CHRM5: variants seen among roughly 807,000 people sequenced by gnomAD.
CHRM5 encodes muscarinic acetylcholine receptor M5.
In CHRM5, 18 loss-of-function variants were observed where a neutral mutation model predicts 39.0. The observed-to-expected ratio is 0.46, with a 90% CI of 0.32 to 0.68. The LOEUF (loss-of-function observed/expected upper bound fraction) is 0.68, where lower values mean the gene tolerates loss of function less well. CHRM5 is among the 30% of genes least tolerant of loss of function. The pLI is 0.04. For synonymous variants in CHRM5, 241 were observed against 246.3 expected, an observed-to-expected ratio of 0.98 and a Z score of 0.20; for missense variants, 515 against 651.1, an observed-to-expected ratio of 0.79 and a Z score of 2.28.
In CHRM5 at chr15:34,031,587, A is replaced by G. The variant is rs545061442; in HGVS notation, c.-407-14953A>G. 7.1e-4 allele frequency among the ~76,000 whole-genome samples: 108 copies of G among 152,346 alleles called. No individual in the cohort carries two copies. The South Asian group carries it at 9.7e-3, about 14-fold the overall frequency. On this transcript the variant is annotated intron_variant, in intron 1 of 2. Transcript: ENST00000383263. Reference sequence around the variant, plus strand: ...AGTCCTTAATGGCAAGAGGACTCAAAGGTAGAATTAAGTTTTTACAACAGG... The same window carrying G: ...AGTCCTTAATGGCAAGAGGACTCAAGGGTAGAATTAAGTTTTTACAACAGG...
At position 34,039,013 on chromosome 15, in the gene CHRM5, C is replaced by T. The variant is rs1307520975; in HGVS notation, c.-407-7527C>T. On this transcript the variant is annotated intron_variant, in intron 1 of 2. Coordinates refer to ENST00000383263, the MANE Select transcript of CHRM5 (RefSeq NM_012125.4). The stretch of plus-strand genomic sequence containing the variant: ...GGCCGGCCGCGGCCTGGCCGCCGCC[C>T]ACGGCCTCCCCGAGCTCCTCGCTCC... 5.3e-6 allele frequency: 6 copies of T among 1,124,096 alleles called. No homozygotes were observed. The highest frequency in any genetic ancestry group is 6.5e-6 in the Non-Finnish European group (6 of 920,648). The allele number at this position is 1,124,096 out of a possible 1,614,324, so 69.6% of individuals were successfully genotyped here.
chr15:33,989,594 A>G (rs938257469), intron 1 of CHRM5, among the ~76,000 whole-genome samples: 5 of 152,056 alleles, frequency 3.3e-5, no homozygotes, highest in Non-Finnish European at 7.4e-5. Flanking sequence ...CTACCACAAT[A>G]CTAACACTAC....
intron 1 of CHRM5, among the ~76,000 whole-genome samples, chr15:34,015,666 CAT>C (rs918563536): frequency 3.3e-5 from 5 of 151,910 alleles, no homozygotes; most frequent in South Asian, 2.1e-4. Flanking sequence ...AACAGCAACA[CAT>C]GAGGGAAAAA....
intron 1 of CHRM5, among the ~76,000 whole-genome samples, chr15:34,030,242 A>G (rs1385036227): frequency 6.6e-6 from 1 of 152,178 alleles, no homozygotes; most frequent in Non-Finnish European, 1.5e-5. Flanking sequence ...TGACAGAGTG[A>G]GTGAGACTTC....
At chr15:34,028,440 T>G (rs1898601869) in intron 1 of CHRM5, among the ~76,000 whole-genome samples, 1 of 152,154 alleles carries the variant, frequency 6.6e-6, no homozygotes, top group Non-Finnish European at 1.5e-5. Flanking sequence ...GGCACACATC[T>G]ATTTGGTCCC....
chr15:34,018,772 T>C (rs1447037212), intron 1 of CHRM5, among the ~76,000 whole-genome samples: 1 of 152,258 alleles, frequency 6.6e-6, no homozygotes, highest in African/African-American at 2.4e-5. Context: ...AGAGTGCTAA[T>C]TGGTCCATTT....
chr15:33,973,008 T>C (rs2140500463), intron 1 of CHRM5, among the ~76,000 whole-genome samples: 1 of 152,362 alleles, frequency 6.6e-6, no homozygotes, highest in East Asian at 1.9e-4. Flanking sequence ...TTCAGTCCTA[T>C]GTACTGGTTC....
intron 1 of CHRM5, among the ~76,000 whole-genome samples, chr15:33,984,066 G>A (rs2140537493): frequency 6.6e-6 from 1 of 152,210 alleles, no homozygotes; most frequent in South Asian, 2.1e-4. Flanking sequence ...AAGAATAAAT[G>A]TAATGTGGTA....
At chr15:34,050,731 A>G (rs1899900203) in intron 2 of CHRM5, among the ~76,000 whole-genome samples, 1 of 152,232 alleles carries the variant, frequency 6.6e-6, no homozygotes, top group Non-Finnish European at 1.5e-5. Context: ...ACTTTAAACC[A>G]ATAAGATCAA....
At chr15:33,976,213 A>G (rs1280052928) in intron 1 of CHRM5, among the ~76,000 whole-genome samples, 4 of 152,332 alleles carry the variant, frequency 2.6e-5, no homozygotes, top group Non-Finnish European at 5.9e-5. Flanking sequence ...AATTATTATG[A>G]CATACTATTT....
chr15:34,035,703 G>A (rs191066921), intron 1 of CHRM5, among the ~76,000 whole-genome samples: 70 of 152,304 alleles, frequency 4.6e-4, no homozygotes, highest in African/African-American at 1.5e-3. Context: ...AGCTGGCCTT[G>A]TCTTCCTCTC....
intron 1 of CHRM5, among the ~76,000 whole-genome samples, chr15:33,987,749 C>T (rs907253661): frequency 1.3e-5 from 2 of 152,172 alleles, no homozygotes; most frequent in Non-Finnish European, 2.9e-5. Context: ...AAGGCAGGAA[C>T]CACTTCTGCT....
intron 1 of CHRM5, among the ~76,000 whole-genome samples, chr15:34,032,017 GCACACGCACACACACA>G (rs1204271258): frequency 2.4e-5 from 2 of 84,870 alleles, no homozygotes; most frequent in Non-Finnish European, 6.3e-5. Context: ...ACATACGCGC[GCACACGCACACACACA>G]CACACACAGG....
chr15:34,043,817 A>T (rs1899579370), intron 1 of CHRM5, among the ~76,000 whole-genome samples: 1 of 152,154 alleles, frequency 6.6e-6, no homozygotes. Flanking sequence ...AATGAAAGCA[A>T]CCAGAAAAGA....
chr15:33,986,892 C>T lies in CHRM5; in HGVS notation c.-408+17742C>T, dbSNP rs185608255. 3.1e-3 allele frequency among the ~76,000 whole-genome samples: 477 copies of T among 152,200 alleles called. 2 individuals are homozygous for T. The highest frequency in any genetic ancestry group is 5.0e-3 in the Non-Finnish European group (342 of 68,012). ...CAGGATGGTCTCGATCTCCTGACCT[C>T]GTGATCCGCCCACCTCGGCCTCCCA... On this transcript the variant is annotated intron_variant, in intron 1 of 2. Coordinates refer to ENST00000383263, the MANE Select transcript of CHRM5 (RefSeq NM_012125.4).
chr15:33,978,872 G>T (rs1367440225), intron 1 of CHRM5, among the ~76,000 whole-genome samples: 1 of 151,960 alleles, frequency 6.6e-6, no homozygotes, highest in Non-Finnish European at 1.5e-5. Flanking sequence ...GAAGTCCCAA[G>T]TCTAACAAGA....
chr15:33,971,378 C>A (rs1164710000), intron 1 of CHRM5, among the ~76,000 whole-genome samples: 1 of 152,034 alleles, frequency 6.6e-6, no homozygotes, highest in Non-Finnish European at 1.5e-5. Flanking sequence ...GCTGCCATAT[C>A]CTTATAATAA....
chr15:34,027,044 C>A (rs1281843014), intron 1 of CHRM5, among the ~76,000 whole-genome samples: 1 of 152,178 alleles, frequency 6.6e-6, no homozygotes, highest in Non-Finnish European at 1.5e-5. Flanking sequence ...CCTCTGCAAA[C>A]CCACTCTACT....
chr15:34,056,082 C>A (rs923595904), intron 2 of CHRM5, among the ~76,000 whole-genome samples: 4 of 152,126 alleles, frequency 2.6e-5, no homozygotes, highest in African/African-American at 9.7e-5. Context: ...ATGCTGAGGG[C>A]TGTTTTCACT....
Sources: gnomAD v4.1 joint callset for allele counts (sites outside exome capture counted in the v4.1 genomes callset) on GRCh38, gnomAD v4.1.1 for gene constraint, MANE v1.5 for transcripts, NCBI Gene and HGNC (gene_info 2026-07-23, HGNC 2026-07-21) for gene names.